ANPEP: variants seen among roughly 807,000 people sequenced by gnomAD.
ANPEP encodes the protein aminopeptidase N.
In ANPEP, 70 loss-of-function variants were observed where a neutral mutation model predicts 114.6. The ratio of observed to expected loss-of-function variants is 0.61; its 90% CI spans 0.50 to 0.75. The LOEUF (loss-of-function observed/expected upper bound fraction) is 0.75. Among genes scored for constraint, ANPEP ranks in the 30% least tolerant of loss-of-function variants. The pLI, the probability that ANPEP is intolerant of heterozygous loss-of-function variation, is 0.00. For missense variants in ANPEP, 1,184 were observed against 1,259.5 expected (o/e 0.94, Z 0.91); for synonymous variants, 548 against 522.3 (o/e 1.05, Z -0.67).
intron 1 of ANPEP, among the ~76,000 whole-genome samples, chr15:89,807,847 C>G (rs1321307960): frequency 5.9e-5 from 9 of 152,180 alleles, no homozygotes; most frequent in South Asian, 2.1e-4. Flanking sequence ...CTTTCCCCAT[C>G]CACCAGCCCA....
Position 89,806,390 on chromosome 15 carries a change from A to T in ANPEP, c.194T>A (p.Leu65Ter). 1 of 1,614,040 alleles carries T rather than the reference A, an allele frequency of 6.2e-7. No homozygotes were observed. The highest frequency in any genetic ancestry group is 8.5e-7 in the Non-Finnish European group (1 of 1,179,958). ...ACGATTCCACGCTTTACTTTGGTCC[A>T]AGGTGGTGGCCGAGGCGGGGTTGGT... ...ATTNPASATT[L>*]DQSKAWNRYR... Residue 65 changes from leucine to a stop codon, truncating the protein, a stop_gained, in exon 2 of 21, where the codon TTG becomes TAG. Transcript: ENST00000300060. LOFTEE classifies it high-confidence loss of function. This position sits in a 1 kb window ranked among gnomAD's most constrained non-coding sequence, Gnocchi z 5.7.
chr15:89,804,031 C>A (rs1281268717), intron 6 of ANPEP, 29 bp from the exon 7 acceptor site: 1 of 1,608,358 alleles, frequency 6.2e-7, no homozygotes, highest in Non-Finnish European at 8.5e-7. Flanking sequence ...GCTGGGCAAG[C>A]CACGCCCAGG....
At position 89,792,470 on chromosome 15, in the gene ANPEP, T is replaced by C. The variant is rs1198597679; in HGVS notation, c.2342A>G (p.Glu781Gly). The change falls in exon 17 of 21, where the codon GAG becomes GGG. Residue 781 changes from glutamate to glycine, a missense_variant. By Grantham distance (98) the Glu-to-Gly change is moderately conservative. Transcript: ENST00000300060. ...MVSGLFKQWM[E>G]NPNNNPIHPN... is the part of the protein sequence containing the mutation. ...CACTCACGGGTTATTATTGGGGTTC[T>C]CCATCCACTGCTTGAAAAGGCCAGA... The C allele has an allele frequency of 1.2e-6, 2 of 1,614,108 alleles. No individual in the cohort carries two copies. The highest frequency in any genetic ancestry group is 1.7e-6 in the Non-Finnish European group (2 of 1,179,992).
chr15:89,785,555 G>A, intron 20 of ANPEP, 54 bp from the exon 21 acceptor site: 2 of 1,606,658 alleles, frequency 1.2e-6, no homozygotes, highest in Non-Finnish European at 1.7e-6. Context: ...CAGCCTTGAG[G>A]AGGAGCTCTC....
chr15:89,793,208 G>A (rs918931629), intron 15 of ANPEP, 82 bp from the exon 16 acceptor site: 4 of 1,234,656 alleles, frequency 3.2e-6, no homozygotes, highest in Non-Finnish European at 4.7e-6. Context: ...ATGTTGGGGG[G>A]CAGGCGCTGG....
rs149020515 is a variant in ANPEP, at chr15:89,785,102, C to T, written c.*247G>A. On this transcript the variant is annotated 3_prime_UTR_variant, in exon 21 of 21. Transcript: ENST00000300060. ...CTGAGATCAGCCCCAGGGCACTGGG[C>T]GACAGGTGCCATGCCAGGCCTAGGG... 1,946 of 485,060 alleles carry T rather than the reference C, an allele frequency of 4.0e-3. 6 individuals carry two copies. The highest frequency in any genetic ancestry group is 4.8e-3 in the Non-Finnish European group (1,278 of 267,468). 30.0% of individuals were successfully genotyped at this position (485,060 alleles called of 1,614,324 possible). A position where few individuals can be genotyped will look rare whatever the true frequency, so the allele number is the denominator to read the frequency against.
chr15:89,788,734 A>G (rs189986925), intron 20 of ANPEP, among the ~76,000 whole-genome samples: 2 of 152,032 alleles, frequency 1.3e-5, no homozygotes, highest in Non-Finnish European at 2.9e-5. Flanking sequence ...CTGAGTAGCT[A>G]GGACTACAGG....
rs747104767 is a variant in ANPEP at position 89,804,001 on chromosome 15, C to G, written c.1181G>C (p.Trp394Ser). The G allele has an allele frequency of 5.6e-6, 9 of 1,613,992 alleles. No homozygotes were observed. Among genetic ancestry groups the G allele is most frequent in the Non-Finnish European group, 7.6e-6 (9 of 1,179,958 alleles). ...CTCTATGGTCACCAGGTTCCCGAAC[C>G]ACTGTGGGGGGAGGGGTCAGCTGGG... ...TVIAHELAHQWFGNLVTIEWW... is the reference protein window; with the variant it reads ...TVIAHELAHQSFGNLVTIEWW... The change falls in exon 7 of 21, where the codon TGG becomes TCG. Residue 394 changes from tryptophan (W) to serine (S), a missense_variant and splice_region_variant. Trp to Ser is a radical substitution (Grantham distance 177, BLOSUM62 -3). Transcript: ENST00000300060.
intron 15 of ANPEP, among the ~76,000 whole-genome samples, chr15:89,793,690 G>A (rs951816449): frequency 6.1e-5 from 8 of 130,118 alleles, no homozygotes; most frequent in Non-Finnish European, 1.1e-4. Flanking sequence ...GTAACAGAGC[G>A]AGACTCCATC....
chr15:89,796,761 C>G (rs1186792385), intron 15 of ANPEP, among the ~76,000 whole-genome samples: 1 of 152,038 alleles, frequency 6.6e-6, no homozygotes, highest in Non-Finnish European at 1.5e-5. Context: ...TCCCAAAGTG[C>G]TGGGATTACA....
At chr15:89,792,990 C>G in intron 16 of ANPEP, 45 bp downstream of exon 16, 1 of 1,535,016 alleles carries the variant, frequency 6.5e-7, no homozygotes. Flanking sequence ...CTCTTGACTC[C>G]CCGGGGTGCC....
intron 18 of ANPEP, 22 bp downstream of exon 18, chr15:89,792,137 TC>T: frequency 3.7e-6 from 6 of 1,606,110 alleles, no homozygotes; most frequent in Non-Finnish European, 5.1e-6. Flanking sequence ...GCTCTCGCAG[TC>T]CCACCCTGCG....
At position 89,785,033 on chromosome 15, in the gene ANPEP, T is replaced by C; in HGVS notation, c.*316A>G. The C allele has an allele frequency of 6.1e-6, 2 of 325,850 alleles. No homozygotes were observed. 20.2% of individuals were successfully genotyped at this position (325,850 alleles called of 1,614,324 possible). A position where few individuals can be genotyped will look rare whatever the true frequency, so the allele number is the denominator to read the frequency against. On this transcript the variant is annotated 3_prime_UTR_variant, in exon 21 of 21. Transcript: ENST00000300060. The stretch of plus-strand genomic sequence containing the variant: ...CGGCCCCCAGCAAGGCCGTTCATTG[T>C]CCATCGAGAGCTTCTGCTCATCTGG...
In ANPEP at chr15:89,806,143, G is replaced by C. The variant is rs1462406678; in HGVS notation, c.441C>G (p.Pro147=). ...VVLRGVGGSQ[P]PDIDKTELVE... ...CCAGCTCAGTCTTGTCAATGTCGGG[G>C]GGCTGGGAGCCTCCCACACCACGCA... The change falls in exon 2 of 21, where the codon CCC becomes CCG. Residue 147 remains proline, a synonymous_variant. Transcript: ENST00000300060. This position sits in a 1 kb window ranked among gnomAD's most constrained non-coding sequence, Gnocchi z 5.7. The C allele has an allele frequency of 3.1e-6, 5 of 1,613,942 alleles. No individual in the cohort carries two copies. The highest frequency in any genetic ancestry group is 3.3e-5 in the Admixed American group (2 of 59,988).
intron 14 of ANPEP, 36 bp from the exon 15 acceptor site, chr15:89,797,758 C>A (rs1447758237): frequency 6.2e-7 from 1 of 1,612,106 alleles, no homozygotes; most frequent in African/African-American, 1.3e-5. Flanking sequence ...TAAAGCACCT[C>A]CACCCAGCCC....
Position 89,814,793 on chromosome 15 carries a change from C to A in ANPEP, c.-245G>T, listed in dbSNP as rs1198167991. ...TTGCCTGGGCCGCCGGGCGCTGGAACCTGGACCCTGGACCCTGGCGGGTTC... is the reference window on the plus strand; with the variant it reads ...TTGCCTGGGCCGCCGGGCGCTGGAAACTGGACCCTGGACCCTGGCGGGTTC... On this transcript the variant is annotated 5_prime_UTR_variant, in exon 1 of 21. Transcript: ENST00000300060. 3 of 151,444 alleles carry A rather than the reference C, an allele frequency of 2.0e-5. No homozygotes were observed. Among genetic ancestry groups the A allele is most frequent in the East Asian group, 1.9e-4 (1 of 5,142 alleles). The allele number at this position is 151,444 out of a possible 1,614,324, so 9.4% of individuals were successfully genotyped here.
intron 20 of ANPEP, among the ~76,000 whole-genome samples, chr15:89,786,154 T>G (rs1439121): frequency 0.61 from 92,917 of 152,060 alleles, 30,600 homozygotes; most frequent in African/African-American, 0.85. Context: ...ACAATTCCAT[T>G]TACGATAGCA....
intron 15 of ANPEP, chr15:89,793,335 T>C (rs1360183044): frequency 2.0e-6 from 1 of 491,158 alleles, no homozygotes; most frequent in African/African-American, 2.0e-5. Context: ...CCTTAGTCAG[T>C]TGCAATATTC....
At chr15:89,811,597 A>G (rs1037474481) in intron 1 of ANPEP, among the ~76,000 whole-genome samples, 1 of 151,544 alleles carries the variant, frequency 6.6e-6, no homozygotes, top group East Asian at 1.9e-4. Context: ...AGTGGGCCGA[A>G]ATCGTGCCAC....
Sources: allele counts gnomAD v4.1 joint callset (sites outside exome capture counted in the v4.1 genomes callset), GRCh38; gene constraint gnomAD v4.1.1; non-coding constraint Gnocchi (gnomAD v3.1); transcripts MANE v1.5; gene names NCBI Gene and HGNC (gene_info 2026-07-23, HGNC 2026-07-21).